SUGCT: variants seen among roughly 807,000 people sequenced by gnomAD.
SUGCT encodes succinyl-CoA:glutarate-CoA transferase.
A neutral mutation model predicts 55.0 loss-of-function variants in SUGCT; 41 were observed. The ratio of observed to expected loss-of-function variants is 0.74; its 90% CI spans 0.58 to 0.97. The LOEUF (loss-of-function observed/expected upper bound fraction) is 0.97. Ranked by LOEUF, SUGCT falls within the 50% of genes least tolerant of loss-of-function variation. The probability of loss-of-function intolerance (pLI) is 0.00; values close to 1 mark genes in which losing one functional copy is unlikely to be tolerated. For missense variants in SUGCT, 568 were observed against 547.8 expected (o/e 1.04, Z -0.37); for synonymous variants, 187 against 200.4 (o/e 0.93, Z 0.56).
intron 12 of SUGCT, among the ~76,000 whole-genome samples, chr7:40,707,612 G>T (rs1321942200): frequency 6.6e-6 from 1 of 152,156 alleles, no homozygotes; most frequent in African/African-American, 2.4e-5. Context: ...GATCCTTAAG[G>T]CATGTGAAAG....
chr7:40,678,719 G>A (rs1478468332), intron 12 of SUGCT, among the ~76,000 whole-genome samples: 1 of 152,094 alleles, frequency 6.6e-6, no homozygotes, highest in Non-Finnish European at 1.5e-5. Flanking sequence ...TAAGGGCAAG[G>A]AACTGTAACA....
chr7:40,678,708 A>G (rs1199099668), intron 12 of SUGCT, among the ~76,000 whole-genome samples: 1 of 152,206 alleles, frequency 6.6e-6, no homozygotes, highest in Non-Finnish European at 1.5e-5. Context: ...TAGATGAGAC[A>G]TAAGGGCAAG....
chr7:40,432,805 T>C (rs894776657), intron 9 of SUGCT, among the ~76,000 whole-genome samples: 1 of 152,094 alleles, frequency 6.6e-6, no homozygotes, highest in African/African-American at 2.4e-5. Flanking sequence ...GTTCATGAGT[T>C]TTGGGCTTCT....
the SUGCT span, among the ~76,000 whole-genome samples, chr7:40,898,490 G>C: frequency 1.9e-4 from 22 of 112,884 alleles, 5 homozygotes; most frequent in Admixed American, 9.5e-4. Context: ...CGGGGGGGGG[G>C]GGGGGGGTGG....
chr7:40,221,740 C>G (rs1788037670), intron 6 of SUGCT, among the ~76,000 whole-genome samples: 2 of 152,082 alleles, frequency 1.3e-5, no homozygotes, highest in Non-Finnish European at 2.9e-5. Context: ...ATCTGCCCTC[C>G]TCAGCCTCCC....
chr7:40,305,572 A>T (rs2151087068), intron 8 of SUGCT, among the ~76,000 whole-genome samples: 1 of 152,232 alleles, frequency 6.6e-6, no homozygotes, highest in South Asian at 2.1e-4. Flanking sequence ...CTCCTCTTCT[A>T]CTTTTTTTCT....
At chr7:40,627,357 G>A (rs1799569899) in intron 12 of SUGCT, among the ~76,000 whole-genome samples, 2 of 152,154 alleles carry the variant, frequency 1.3e-5, no homozygotes, top group African/African-American at 2.4e-5. Flanking sequence ...TTGGCCATTT[G>A]GTGTTCATCC....
At chr7:40,510,036 A>G (rs1209817543) in intron 12 of SUGCT, among the ~76,000 whole-genome samples, 3 of 152,138 alleles carry the variant, frequency 2.0e-5, no homozygotes, top group African/African-American at 7.2e-5. Context: ...AAGTTTAGAT[A>G]TTTTGTAAGT....
At chr7:40,345,441 T>C (rs1436638332) in intron 9 of SUGCT, among the ~76,000 whole-genome samples, 1 of 152,204 alleles carries the variant, frequency 6.6e-6, no homozygotes, top group Non-Finnish European at 1.5e-5. Flanking sequence ...TACTGAAACA[T>C]CAGTCTGAAA....
At chr7:40,735,123 G>T (rs560917945) in intron 12 of SUGCT, among the ~76,000 whole-genome samples, 86 of 152,160 alleles carry the variant, frequency 5.7e-4, no homozygotes, top group Middle Eastern at 3.2e-3. Flanking sequence ...GGGCTTTGTG[G>T]ACTCCTGTGC....
intron 12 of SUGCT, among the ~76,000 whole-genome samples, chr7:40,540,062 A>T (rs1318986108): frequency 1.3e-5 from 2 of 152,214 alleles, no homozygotes; most frequent in Admixed American, 1.3e-4. Context: ...TAAAACATAG[A>T]ACCAAATGTT....
At chr7:40,343,032 G>C (rs1217198582) in intron 9 of SUGCT, among the ~76,000 whole-genome samples, 2 of 152,084 alleles carry the variant, frequency 1.3e-5, no homozygotes, top group Non-Finnish European at 2.9e-5. Flanking sequence ...TGGCATATAA[G>C]AAGGTTTCTA....
the SUGCT span, among the ~76,000 whole-genome samples, chr7:40,874,639 T>C: frequency 6.6e-6 from 1 of 152,168 alleles, no homozygotes; most frequent in African/African-American, 2.4e-5. Context: ...ATATACAATA[T>C]ATTCTCTGTA....
At chr7:40,368,356 C>A (rs942642528) in intron 9 of SUGCT, among the ~76,000 whole-genome samples, 3 of 152,056 alleles carry the variant, frequency 2.0e-5, no homozygotes, top group African/African-American at 7.2e-5. Context: ...TACCACCACA[C>A]CCAGCTAATT....
intron 13 of SUGCT, among the ~76,000 whole-genome samples, chr7:40,811,108 C>T (rs1791388031): frequency 6.6e-6 from 1 of 152,074 alleles, no homozygotes; most frequent in African/African-American, 2.4e-5. Context: ...GTATTCTGTT[C>T]CATTGTTCTA....
At chr7:40,253,589 G>T (rs989610556) in intron 7 of SUGCT, among the ~76,000 whole-genome samples, 2 of 151,692 alleles carry the variant, frequency 1.3e-5, no homozygotes, top group East Asian at 1.9e-4. Flanking sequence ...TTGAGGCGGA[G>T]CCTCGCTCTG....
At chr7:40,852,408 C>G (rs1166532814) in intron 13 of SUGCT, among the ~76,000 whole-genome samples, 1 of 152,138 alleles carries the variant, frequency 6.6e-6, no homozygotes, top group Non-Finnish European at 1.5e-5. Context: ...TCATTACATT[C>G]TCTGCCTAGC....
At chr7:40,922,088 G>A in the SUGCT span, among the ~76,000 whole-genome samples, 26 of 152,252 alleles carry the variant, frequency 1.7e-4, no homozygotes, top group East Asian at 3.9e-3. Context: ...CCCCTGGATT[G>A]TTTCCATGGT....
At chr7:40,666,613 G>T (rs1449960469) in intron 12 of SUGCT, among the ~76,000 whole-genome samples, 2 of 151,968 alleles carry the variant, frequency 1.3e-5, no homozygotes, top group Non-Finnish European at 2.9e-5. Context: ...AGGAAAGCCA[G>T]CCAGGGAAAC....
Sources: gnomAD v4.1 joint callset for allele counts (sites outside exome capture counted in the v4.1 genomes callset) on GRCh38, gnomAD v4.1.1 for gene constraint, MANE v1.5 for transcripts, NCBI Gene and HGNC (gene_info 2026-07-23, HGNC 2026-07-21) for gene names.